The following RASEF variants were observed in gnomAD, a reference collection of about 807,000 sequenced individuals.
RASEF encodes the protein ras and EF-hand domain-containing protein.
A neutral mutation model predicts 90.1 loss-of-function variants in RASEF; 68 were observed. The observed-to-expected ratio is 0.75, with a 90% CI of 0.62 to 0.92. RASEF has a LOEUF of 0.92. Among genes scored for constraint, RASEF ranks in the 40% least tolerant of loss-of-function variants. RASEF has a pLI of 0.00. For missense variants in RASEF, 949 were observed against 937.2 expected, an observed-to-expected ratio of 1.01 and a Z score of -0.16; for synonymous variants, 331 against 345.2, an observed-to-expected ratio of 0.96 and a Z score of 0.46.
the RASEF span, among the ~76,000 whole-genome samples, chr9:83,192,178 T>G: frequency 6.6e-6 from 1 of 152,194 alleles, no homozygotes; most frequent in Admixed American, 6.5e-5. Context: ...ACAGAACTAC[T>G]GTTCAACCCA....
At chr9:83,004,728 A>T (rs1829098679) in intron 8 of RASEF, 142 bp from the exon 9 acceptor site, 5 of 599,942 alleles carry the variant, frequency 8.3e-6, no homozygotes, top group Admixed American at 5.4e-5. Flanking sequence ...TTGTTACACT[A>T]CCTGAGCAAA....
intron 5 of RASEF, among the ~76,000 whole-genome samples, chr9:83,011,524 C>T (rs1829243071): frequency 8.5e-6 from 1 of 117,330 alleles, no homozygotes; most frequent in Non-Finnish European, 1.6e-5. Context: ...TGTAGTCCAG[C>T]CTGGTGACAG....
intron 1 of RASEF, among the ~76,000 whole-genome samples, chr9:83,057,570 G>A (rs973043969): frequency 4.6e-5 from 7 of 152,070 alleles, no homozygotes; most frequent in Non-Finnish European, 8.8e-5. Context: ...TAGGATCCCG[G>A]TTCAGAATCC....
chr9:83,118,949 T>C, the RASEF span, among the ~76,000 whole-genome samples: 1 of 152,046 alleles, frequency 6.6e-6, no homozygotes, highest in African/African-American at 2.4e-5. Context: ...CTTACAAAAT[T>C]ATATCAGCAG....
At chr9:83,153,415 A>G in the RASEF span, among the ~76,000 whole-genome samples, 20 of 152,306 alleles carry the variant, frequency 1.3e-4, no homozygotes, top group South Asian at 4.1e-3. Context: ...GGAGCCCACC[A>G]TTTATATTGC....
chr9:83,127,296 T>C, the RASEF span, among the ~76,000 whole-genome samples: 2 of 152,214 alleles, frequency 1.3e-5, no homozygotes, highest in Non-Finnish European at 2.9e-5. Context: ...GATGATTGGT[T>C]GCCTATAGTC....
At chr9:83,016,027 A>G in intron 3 of RASEF, 127 bp from the exon 4 acceptor site, 1 of 677,052 alleles carries the variant, frequency 1.5e-6, no homozygotes, top group Non-Finnish European at 2.5e-6. Context: ...AGGGAAGGTG[A>G]GAAAGGATAT....
intron 6 of RASEF, among the ~76,000 whole-genome samples, chr9:83,009,408 A>C (rs968604876): frequency 6.6e-6 from 1 of 152,196 alleles, no homozygotes; most frequent in Non-Finnish European, 1.5e-5. Flanking sequence ...GTTAATTCAA[A>C]CATTTATTAA....
At chr9:82,991,396 T>G (rs1218151017) in intron 15 of RASEF, among the ~76,000 whole-genome samples, 1 of 152,194 alleles carries the variant, frequency 6.6e-6, no homozygotes, top group East Asian at 1.9e-4. Context: ...TTGCCACAAT[T>G]ATAATTGCTC....
At chr9:83,217,835 G>A in the RASEF span, among the ~76,000 whole-genome samples, 4 of 152,182 alleles carry the variant, frequency 2.6e-5, no homozygotes, top group African/African-American at 9.6e-5. Context: ...CCTATCTCAC[G>A]GTACAGGAAT....
At chr9:83,111,976 A>G in the RASEF span, among the ~76,000 whole-genome samples, 3 of 152,034 alleles carry the variant, frequency 2.0e-5, no homozygotes, top group African/African-American at 7.2e-5. Context: ...ATATTTAAAT[A>G]TGAAAAGAAT....
chr9:83,083,233 C>G, the RASEF span, among the ~76,000 whole-genome samples: 1 of 152,116 alleles, frequency 6.6e-6, no homozygotes, highest in Non-Finnish European at 1.5e-5. Flanking sequence ...GGTAAATGGT[C>G]TATGGCCATA....
the RASEF span, among the ~76,000 whole-genome samples, chr9:83,140,377 G>C: frequency 6.6e-6 from 1 of 152,168 alleles, no homozygotes; most frequent in African/African-American, 2.4e-5. Flanking sequence ...AAAGTCTTTA[G>C]TCATAACTAC....
chr9:83,005,260 G>GA (rs1164001843), intron 8 of RASEF, among the ~76,000 whole-genome samples, 156 bp downstream of exon 8: 1 of 152,036 alleles, frequency 6.6e-6, no homozygotes, highest in Admixed American at 6.5e-5. Flanking sequence ...TTTTAATTTG[G>GA]AAAAATGCTG....
At chr9:82,991,209 T>C (rs1470131505) in intron 15 of RASEF, among the ~76,000 whole-genome samples, 1 of 152,130 alleles carries the variant, frequency 6.6e-6, no homozygotes, top group South Asian at 2.1e-4. Context: ...TTGCACCTAC[T>C]CTTCTCATCA....
At chr9:83,183,842 G>A in the RASEF span, among the ~76,000 whole-genome samples, 1 of 152,216 alleles carries the variant, frequency 6.6e-6, no homozygotes. Flanking sequence ...ACAGAAAGCA[G>A]TCCCTCTGGG....
Position 83,000,326 on chromosome 9 carries a change from A to G in RASEF, c.1576-10T>C, listed in dbSNP as rs1829006728. 6.2e-7 allele frequency: 1 copy of G among 1,612,666 alleles called. No individual in the cohort carries two copies. Among genetic ancestry groups the G allele is most frequent in the African/African-American group, 1.3e-5 (1 of 74,952 alleles). On this transcript the variant is annotated splice_polypyrimidine_tract_variant and intron_variant, in intron 11 of 16. Coordinates refer to ENST00000376447, the MANE Select transcript of RASEF (RefSeq NM_152573.4). ...CATCTACCAGGTCTGTCTGGGGGGA[A>G]AAGCCACAGTGAATGATAACGGTAT...
intron 1 of RASEF, among the ~76,000 whole-genome samples, chr9:83,044,209 A>G (rs567836955): frequency 6.6e-6 from 1 of 152,284 alleles, no homozygotes; most frequent in African/African-American, 2.4e-5. Context: ...GCATCTGCAG[A>G]AAGGAGGGAA....
At chr9:83,213,089 G>GT in the RASEF span, among the ~76,000 whole-genome samples, 20 of 109,426 alleles carry the variant, frequency 1.8e-4, no homozygotes, top group African/African-American at 6.9e-4. Context: ...CAATGCACAC[G>GT]TTTTAAAAAA....
Sources: allele counts gnomAD v4.1 joint callset (sites outside exome capture counted in the v4.1 genomes callset), GRCh38; gene constraint gnomAD v4.1.1; transcripts MANE v1.5; gene names NCBI Gene and HGNC (gene_info 2026-07-23, HGNC 2026-07-21).